The following PATJ variants were observed in gnomAD, a reference collection of about 807,000 sequenced individuals.
PATJ encodes PATJ crumbs cell polarity complex component, also known as inaD-like protein.
A neutral mutation model predicts 224.9 loss-of-function variants in PATJ; 190 were observed. That is an observed-to-expected ratio of 0.84 (90% CI 0.75 to 0.95). The LOEUF is 0.95. PATJ is among the 40% of genes least tolerant of loss of function. PATJ has a pLI of 0.00. For missense variants in PATJ, 2,121 were observed against 2,270.3 expected, an observed-to-expected ratio of 0.93 and a Z score of 1.34; for synonymous variants, 769 against 820.3, an observed-to-expected ratio of 0.94 and a Z score of 1.07.
intron 41 of PATJ, 82 bp from the exon 42 acceptor site, chr1:62,148,202 G>A (rs1668262941): frequency 4.8e-6 from 4 of 825,358 alleles, no homozygotes; most frequent in Non-Finnish European, 8.3e-6. Flanking sequence ...TTAGGATTGA[G>A]AACTGACCCT....
chr1:61,973,837 G>C (rs1420506980), intron 27 of PATJ, among the ~76,000 whole-genome samples: 2 of 151,966 alleles, frequency 1.3e-5, no homozygotes, highest in South Asian at 2.1e-4. Context: ...CATGTTTACT[G>C]TTTTAAGACT....
intron 30 of PATJ, among the ~76,000 whole-genome samples, chr1:62,047,889 T>A (rs1652844763): frequency 6.6e-6 from 1 of 152,184 alleles, no homozygotes; most frequent in Admixed American, 6.5e-5. Context: ...TCCTAAGACA[T>A]GTTTTAGAAA....
rs138595677 is a variant in PATJ at position 61,959,586 on chromosome 1, A to G, written c.3671-30582A>G. Among the ~76,000 whole-genome samples, 802 of 150,974 alleles carry G rather than the reference A, an allele frequency of 5.3e-3. 5 individuals are homozygous for G. Among genetic ancestry groups the G allele is most frequent in the Middle Eastern group, 0.024 (7 of 290 alleles). Reference sequence around the variant, plus strand: ...AGTAGCTGGGACCGACCACAGGTGCATGCCACCATGCCTGGCTAATTTTTA... The same window carrying G: ...AGTAGCTGGGACCGACCACAGGTGCGTGCCACCATGCCTGGCTAATTTTTA... On this transcript the variant is annotated intron_variant, in intron 27 of 43. Coordinates refer to ENST00000642238, the MANE Select transcript of PATJ (RefSeq NM_001350145.3).
intron 27 of PATJ, among the ~76,000 whole-genome samples, chr1:61,961,288 C>T (rs886425334): frequency 1.3e-5 from 2 of 152,188 alleles, no homozygotes; most frequent in African/African-American, 4.8e-5. Flanking sequence ...AGTGTACATA[C>T]TGCACAACCA....
At chr1:62,109,724 A>G (rs1663563784) in intron 34 of PATJ, among the ~76,000 whole-genome samples, 1 of 152,244 alleles carries the variant, frequency 6.6e-6, no homozygotes. Context: ...AATGGCACAT[A>G]TGCCTTGATA....
At chr1:62,008,647 G>A (rs941406749) in intron 28 of PATJ, among the ~76,000 whole-genome samples, 1 of 152,174 alleles carries the variant, frequency 6.6e-6, no homozygotes, top group South Asian at 2.1e-4. Flanking sequence ...TACTCAGGAA[G>A]CTGAGGTGGG....
intron 18 of PATJ, among the ~76,000 whole-genome samples, chr1:61,857,011 G>A (rs1475305691): frequency 6.6e-6 from 1 of 152,178 alleles, no homozygotes; most frequent in East Asian, 1.9e-4. Context: ...AACACTGAGA[G>A]TTTAATATGC....
intron 34 of PATJ, among the ~76,000 whole-genome samples, chr1:62,113,670 C>G (rs1049532363): frequency 2.6e-5 from 4 of 152,130 alleles, no homozygotes; most frequent in East Asian, 1.9e-4. Flanking sequence ...GTGAAGATGT[C>G]ATATCCAATA....
intron 27 of PATJ, among the ~76,000 whole-genome samples, chr1:61,961,620 A>G (rs957179515): frequency 3.3e-5 from 5 of 152,362 alleles, no homozygotes; most frequent in African/African-American, 1.2e-4. Flanking sequence ...ATACATGAAA[A>G]GTACCAACCT....
At chr1:61,877,139 T>C (rs1667445458) in intron 21 of PATJ, among the ~76,000 whole-genome samples, 1 of 152,152 alleles carries the variant, frequency 6.6e-6, no homozygotes, top group Non-Finnish European at 1.5e-5. Flanking sequence ...CACACTAAGC[T>C]TCAGGAGGGT....
At chr1:62,132,893 C>A (rs2148961625) in intron 41 of PATJ, among the ~76,000 whole-genome samples, 1 of 151,442 alleles carries the variant, frequency 6.6e-6, no homozygotes, top group East Asian at 1.9e-4. Flanking sequence ...GACAGTGAGA[C>A]CCTGTCTCAA....
chr1:61,820,284 C>T (rs550306194), intron 14 of PATJ, among the ~76,000 whole-genome samples: 33 of 152,236 alleles, frequency 2.2e-4, no homozygotes, highest in African/African-American at 6.0e-4. Context: ...GCAATCCACC[C>T]ACATCGGCCT....
chr1:61,812,354 TAGAGAG>T (rs71050165), intron 14 of PATJ, among the ~76,000 whole-genome samples: 30 of 111,742 alleles, frequency 2.7e-4, no homozygotes, highest in African/African-American at 9.4e-4. Flanking sequence ...GGGGAGGGAA[TAGAGAG>T]AGAGAGAGAG....
intron 23 of PATJ, among the ~76,000 whole-genome samples, chr1:61,900,814 C>T (rs904946536): frequency 1.3e-5 from 2 of 152,168 alleles, no homozygotes; most frequent in African/African-American, 2.4e-5. Flanking sequence ...TGGTCTCGAT[C>T]TCCTGACCTC....
chr1:62,158,777 T>C (rs1302938943), intron 43 of PATJ, among the ~76,000 whole-genome samples: 2 of 146,050 alleles, frequency 1.4e-5, no homozygotes, highest in African/African-American at 5.1e-5. Flanking sequence ...AGTGAAACTC[T>C]GTTTCTACTA....
intron 33 of PATJ, among the ~76,000 whole-genome samples, chr1:62,094,553 G>T (rs1290544954): frequency 7.5e-6 from 1 of 132,870 alleles, no homozygotes; most frequent in Non-Finnish European, 1.6e-5. Context: ...CCTAGATTCT[G>T]TCTCAACACA....
intron 28 of PATJ, among the ~76,000 whole-genome samples, chr1:61,993,277 C>G (rs973257124): frequency 6.6e-6 from 1 of 152,082 alleles, no homozygotes; most frequent in Non-Finnish European, 1.5e-5. Context: ...GGTGAACAAC[C>G]AGATGAAGAG....
At chr1:62,095,844 G>A (rs1661333289) in intron 33 of PATJ, among the ~76,000 whole-genome samples, 4 of 152,160 alleles carry the variant, frequency 2.6e-5, no homozygotes, top group Admixed American at 2.6e-4. Flanking sequence ...CAAGCTTCTA[G>A]TCAACATTTT....
chr1:61,881,266 G>A (rs190284252), intron 21 of PATJ, among the ~76,000 whole-genome samples: 25 of 152,268 alleles, frequency 1.6e-4, no homozygotes, highest in Non-Finnish European at 2.5e-4. Context: ...AAGGCAGGTA[G>A]CGGAGACATT....
Sources: allele counts gnomAD v4.1 joint callset (sites outside exome capture counted in the v4.1 genomes callset), GRCh38; gene constraint gnomAD v4.1.1; transcripts MANE v1.5; gene names NCBI Gene and HGNC (gene_info 2026-07-23, HGNC 2026-07-21).